AGBL1: variants seen among roughly 807,000 people sequenced by gnomAD.
AGBL1 encodes the protein cytosolic carboxypeptidase 4.
Under a neutral mutation model 118.9 loss-of-function variants are expected in AGBL1, and 130 were observed. The observed-to-expected ratio is 1.09, with a 90% CI of 0.95 to 1.26. The LOEUF is 1.26. Ranked by LOEUF, AGBL1 falls within the 50% of genes most tolerant of loss-of-function variation. The pLI, the probability that AGBL1 is intolerant of heterozygous loss-of-function variation, is 0.00. For missense variants in AGBL1, 1,584 were observed against 1,298.1 expected, an observed-to-expected ratio of 1.22 and a Z score of -3.38; for synonymous variants, 555 against 478.9, an observed-to-expected ratio of 1.16 and a Z score of -2.08.
In AGBL1 at chr15:86,365,127, G is replaced by T. The variant is rs113923377; in HGVS notation, c.2375-32239G>T. Reference sequence around the variant, plus strand: ...ACATCTCCAGAACTGCCCTGCTGAGGAAAAGAAAAGTCTATTTCCACAAAA... The same window carrying T: ...ACATCTCCAGAACTGCCCTGCTGAGTAAAAGAAAAGTCTATTTCCACAAAA... On this transcript the variant is annotated intron_variant, in intron 17 of 22. Coordinates refer to ENST00000614907, the MANE Select transcript of AGBL1 (RefSeq NM_001386094.1). Among the ~76,000 whole-genome samples the T allele has an allele frequency of 9.2e-3, 1,390 of 151,190 alleles. 30 individuals carry two copies. Among genetic ancestry groups the T allele is most frequent in the African/African-American group, 0.031 (1,289 of 41,064 alleles).
At chr15:86,567,876 C>T (rs1370242304) in intron 21 of AGBL1, among the ~76,000 whole-genome samples, 1 of 152,122 alleles carries the variant, frequency 6.6e-6, no homozygotes, top group Non-Finnish European at 1.5e-5. Flanking sequence ...CCCGGACATT[C>T]AGAGCCCAGC....
At chr15:86,507,342 C>A (rs978351051) in intron 18 of AGBL1, among the ~76,000 whole-genome samples, 1 of 152,056 alleles carries the variant, frequency 6.6e-6, no homozygotes, top group African/African-American at 2.4e-5. Context: ...TATACTCAGA[C>A]CATAAAAATA....
At chr15:86,874,001 CTA>C (rs1567218558) in intron 22 of AGBL1, among the ~76,000 whole-genome samples, 1 of 152,126 alleles carries the variant, frequency 6.6e-6, no homozygotes. Context: ...GAGTCATTTA[CTA>C]TATCTTTTCT....
chr15:86,636,754 TATATAC>T lies in AGBL1; in HGVS notation c.2995-37517_2995-37512del, dbSNP rs1345539468. Among the ~76,000 whole-genome samples the T allele has an allele frequency of 6.3e-3, 325 of 51,546 alleles. 14 individuals carry two copies. Among genetic ancestry groups the T allele is most frequent in the African/African-American group, 0.028 (255 of 9,256 alleles). 33.8% of individuals were successfully genotyped at this position (51,546 alleles called of 152,430 possible). ...ATATATATATATATATATATATATA[TATATAC>T]ACATACATACAGAAAGGCAAGAGAA... On this transcript the variant is annotated intron_variant, in intron 21 of 22. Coordinates refer to ENST00000614907, the MANE Select transcript of AGBL1 (RefSeq NM_001386094.1).
chr15:86,627,434 G>A (rs1035850495), intron 21 of AGBL1, among the ~76,000 whole-genome samples: 13 of 152,206 alleles, frequency 8.5e-5, no homozygotes, highest in Admixed American at 7.9e-4. Context: ...ATGAGGAGGT[G>A]TTAGAGATAC....
intron 21 of AGBL1, among the ~76,000 whole-genome samples, chr15:86,586,720 G>C (rs2084254088): frequency 6.6e-6 from 1 of 152,112 alleles, no homozygotes; most frequent in South Asian, 2.1e-4. Context: ...ACAATAGTTT[G>C]GTCTGAAAAG....
intron 23 of AGBL1, among the ~76,000 whole-genome samples, chr15:86,956,157 G>A (rs555290858): frequency 2.6e-5 from 4 of 151,706 alleles, no homozygotes; most frequent in Non-Finnish European, 5.9e-5. Context: ...TCTGTATTAG[G>A]GTTCTCTAGA....
chr15:86,536,883 A>G (rs2083434163), intron 19 of AGBL1, among the ~76,000 whole-genome samples: 1 of 152,234 alleles, frequency 6.6e-6, no homozygotes, highest in Admixed American at 6.5e-5. Context: ...GAAGGCCAGA[A>G]GTGAAAACAG....
At chr15:86,836,440 A>G (rs2079172496) in intron 22 of AGBL1, among the ~76,000 whole-genome samples, 1 of 152,174 alleles carries the variant, frequency 6.6e-6, no homozygotes. Context: ...AGTGTAATGG[A>G]TGAAAGAAAT....
chr15:86,258,864 A>G (rs59541668), intron 9 of AGBL1, among the ~76,000 whole-genome samples: 1,866 of 151,914 alleles, frequency 0.012, 53 homozygotes, highest in African/African-American at 0.043. Context: ...CTACCACCAC[A>G]CCCAGCTAAT....
At chr15:86,402,022 C>G (rs1596070551) in intron 18 of AGBL1, among the ~76,000 whole-genome samples, 1 of 150,212 alleles carries the variant, frequency 6.7e-6, no homozygotes, top group Non-Finnish European at 1.5e-5. Context: ...TACATTGAGT[C>G]TGTAGACTGC....
At chr15:86,926,966 C>T (rs577595019) in intron 23 of AGBL1, among the ~76,000 whole-genome samples, 55 of 151,952 alleles carry the variant, frequency 3.6e-4, no homozygotes, top group African/African-American at 1.0e-3. Context: ...TAGTGTAACC[C>T]GTCTCTACTA....
rs547125243 is a variant in AGBL1, at chr15:86,999,109, G to C, written c.3323+11021G>C. ...CTATGAGTGAGAACATGCAGTGTTT[G>C]TTTTTTCGTCCTTCGATAGTTTGCT... On this transcript the variant is annotated intron_variant, in intron 24 of 24. Transcript: ENST00000441037. Among the ~76,000 whole-genome samples the C allele has an allele frequency of 1.0e-3, 153 of 150,854 alleles. 1 individual carries two copies. The highest frequency in any genetic ancestry group is 2.6e-3 in the Admixed American group (40 of 15,152).
intron 18 of AGBL1, among the ~76,000 whole-genome samples, chr15:86,411,266 G>T (rs1302026919): frequency 6.6e-6 from 1 of 151,874 alleles, no homozygotes; most frequent in Non-Finnish European, 1.5e-5. Flanking sequence ...CCCAGCCGGG[G>T]GACTGCCTCC....
intron 5 of AGBL1, among the ~76,000 whole-genome samples, chr15:86,186,291 G>T (rs2077632434): frequency 6.6e-6 from 1 of 152,206 alleles, no homozygotes; most frequent in Admixed American, 6.5e-5. Flanking sequence ...ATACCTAGGT[G>T]ATGGGTTGAT....
intron 15 of AGBL1, among the ~76,000 whole-genome samples, chr15:86,277,876 T>C (rs1392592484): frequency 6.6e-6 from 1 of 152,240 alleles, no homozygotes; most frequent in Non-Finnish European, 1.5e-5. Flanking sequence ...TGCTTACAAG[T>C]GAAGCACTCT....
At chr15:86,164,266 T>C (rs958900283) in intron 5 of AGBL1, among the ~76,000 whole-genome samples, 1 of 152,198 alleles carries the variant, frequency 6.6e-6, no homozygotes, top group Non-Finnish European at 1.5e-5. Context: ...GGGTGCTTTT[T>C]ATAGAAGTAG....
intron 17 of AGBL1, among the ~76,000 whole-genome samples, chr15:86,392,843 A>G (rs565669926): frequency 6.6e-6 from 1 of 152,316 alleles, no homozygotes; most frequent in East Asian, 1.9e-4. Flanking sequence ...ATTGCAGAAA[A>G]AAATAAATGC....
intron 5 of AGBL1, among the ~76,000 whole-genome samples, chr15:86,216,986 A>G (rs1346766906): frequency 6.6e-6 from 1 of 152,184 alleles, no homozygotes; most frequent in Non-Finnish European, 1.5e-5. Flanking sequence ...ATTGCATGAC[A>G]ACCACTTCCT....
Sources: gnomAD v4.1 joint callset for allele counts (sites outside exome capture counted in the v4.1 genomes callset) on GRCh38, gnomAD v4.1.1 for gene constraint, MANE v1.5 for transcripts, NCBI Gene and HGNC (gene_info 2026-07-23, HGNC 2026-07-21) for gene names.